METTL21A: variants seen among roughly 807,000 people sequenced by gnomAD.
METTL21A encodes the protein methyltransferase 21A, HSPA lysine, also known as protein N-lysine methyltransferase METTL21A.
METTL21A carries 22 observed loss-of-function variants against 20.9 expected under a neutral mutation model. The ratio of observed to expected loss-of-function variants is 1.05; its 90% confidence interval spans 0.75 to 1.50. METTL21A has a LOEUF of 1.50. Ranked by LOEUF, METTL21A falls within the 40% of genes most tolerant of loss-of-function variation. The pLI is 0.00. For synonymous variants in METTL21A, 93 were observed against 102.0 expected (o/e 0.91, Z 0.53); for missense variants, 271 against 266.8 (o/e 1.02, Z -0.11).
chr2:207,591,483 A>G (rs2085018762), intron 3 of METTL21A, among the ~76,000 whole-genome samples: 1 of 152,124 alleles, frequency 6.6e-6, no homozygotes, highest in Admixed American at 6.5e-5. Context: ...CTGGAGTGCA[A>G]TGGCAGTGGC....
intron 3 of METTL21A, among the ~76,000 whole-genome samples, chr2:207,595,742 AT>A (rs1301848959): frequency 3.3e-5 from 5 of 151,384 alleles, no homozygotes; most frequent in Non-Finnish European, 7.4e-5. Flanking sequence ...ATTTTTAAAA[AT>A]TTTTTTTTAG....
intron 3 of METTL21A, among the ~76,000 whole-genome samples, chr2:207,585,356 A>C (rs2083633910): frequency 6.6e-6 from 1 of 152,222 alleles, no homozygotes; most frequent in South Asian, 2.1e-4. Context: ...AATCATACAG[A>C]GACAACACAT....
At chr2:207,605,621 T>C (rs1253018048), downstream of METTL21A, among the ~76,000 whole-genome samples, 1 of 152,226 alleles carries the variant, frequency 6.6e-6, no homozygotes, top group Non-Finnish European at 1.5e-5. Flanking sequence ...ATATAATGTA[T>C]GTTCTCTCCT....
rs2083144524 is a variant in METTL21A at position 207,582,794 on chromosome 2, G to A, written c.260-634C>T. On this transcript the variant is annotated intron_variant, in intron 3 of 3. Coordinates refer to the METTL21A transcript ENST00000425132. ...TGTAATCCCAGCTACTCAGGCGGCT[G>A]AGGCAGAAGAATTGTGCGAACCTGG... 2.5e-5 allele frequency: 7 copies of A among 283,548 alleles called. 1 individual carries two copies. Among genetic ancestry groups the A allele is most frequent in the South Asian group, 2.0e-4 (7 of 34,158 alleles). 17.6% of individuals were successfully genotyped at this position (283,548 alleles called of 1,614,324 possible).
chr2:207,622,921 T>C (rs574862899), intron 2 of METTL21A, among the ~76,000 whole-genome samples: 1 of 152,204 alleles, frequency 6.6e-6, no homozygotes, highest in East Asian at 1.9e-4. Context: ...CTTTTTTTTT[T>C]TTTTGAGATG....
At chr2:207,595,957 C>G (rs573327668) in intron 3 of METTL21A, among the ~76,000 whole-genome samples, 3 of 152,096 alleles carry the variant, frequency 2.0e-5, no homozygotes, top group Non-Finnish European at 4.4e-5. Context: ...TATTGTCTTT[C>G]GATGTGCAGA....
At chr2:207,612,777 A>G in exon 4 of METTL21A, 2 of 300,052 alleles carry the variant, frequency 6.7e-6, no homozygotes, top group East Asian at 1.2e-4. Context: ...AAAAGGGAGG[A>G]GTATGGGATA....
At chr2:207,608,917 A>G (rs2088539474), downstream of METTL21A, among the ~76,000 whole-genome samples, 1 of 152,212 alleles carries the variant, frequency 6.6e-6, no homozygotes, top group South Asian at 2.1e-4. Context: ...CAGAGCGAAT[A>G]TGCATTCCCA....
chr2:207,614,410 T>G (rs1432052496), intron 3 of METTL21A, among the ~76,000 whole-genome samples: 1 of 151,766 alleles, frequency 6.6e-6, no homozygotes. Flanking sequence ...GGGAGCAGAC[T>G]ATTATTGCAA....
intron 3 of METTL21A, among the ~76,000 whole-genome samples, chr2:207,584,591 AG>A (rs2083482432): frequency 6.6e-6 from 1 of 152,066 alleles, no homozygotes; most frequent in Non-Finnish European, 1.5e-5. Flanking sequence ...TAGTAGAGAC[AG>A]GGTTTCGCCA....
chr2:207,600,797 A>G, intron 3 of METTL21A: 1 of 209,898 alleles, frequency 4.8e-6, no homozygotes, highest in African/African-American at 2.3e-5. Flanking sequence ...AAATCCCTGT[A>G]GGACAAATCC....
chr2:207,613,151 TAAG>T, exon 4 of METTL21A: 1 of 1,614,028 alleles, frequency 6.2e-7, no homozygotes, highest in African/African-American at 1.3e-5. Context: ...CCAGCATTGC[TAAG>T]AAGTTGTTAT....
exon 4 of METTL21A, chr2:207,581,919 C>T (rs2083010511): frequency 1.4e-6 from 1 of 702,750 alleles, no homozygotes; most frequent in Non-Finnish European, 2.6e-6. Context: ...TTTAGAATAT[C>T]CCTCAGTTTG....
rs1384823619 is a variant in METTL21A at position 207,582,165 on chromosome 2, A to C, written c.260-5T>G. On this transcript the variant is annotated splice_polypyrimidine_tract_variant and splice_region_variant and intron_variant, in intron 3 of 3. Transcript: ENST00000425132. ...AGGAGAATTAAATTCCACCTCCTAA[A>C]AGGGAGAATATGAAAGAAATTTGTG... 4 of 702,870 alleles carry C rather than the reference A, an allele frequency of 5.7e-6. No individual in the cohort carries two copies. The African/African-American group carries it at 7.0e-5, about 12-fold the overall frequency. 43.5% of individuals were successfully genotyped at this position (702,870 alleles called of 1,614,324 possible).
chr2:207,599,114 G>T (rs963187883), intron 3 of METTL21A: 13 of 191,844 alleles, frequency 6.8e-5, no homozygotes, highest in African/African-American at 3.0e-4. Flanking sequence ...ATCATTCTAA[G>T]AATTAAGTGA....
chr2:207,616,042 C>G (rs2089687508), intron 3 of METTL21A, among the ~76,000 whole-genome samples: 1 of 152,088 alleles, frequency 6.6e-6, no homozygotes, highest in East Asian at 1.9e-4. Context: ...AGCTACTGTA[C>G]TCAGCCCTAT....
chr2:207,589,780 A>G (rs992159204), intron 3 of METTL21A, among the ~76,000 whole-genome samples: 1 of 152,184 alleles, frequency 6.6e-6, no homozygotes, highest in Non-Finnish European at 1.5e-5. Flanking sequence ...ATTTTGAGAT[A>G]TGCATGCATT....
intron 3 of METTL21A, among the ~76,000 whole-genome samples, chr2:207,619,764 A>G (rs1368349596): frequency 1.9e-5 from 1 of 53,720 alleles, no homozygotes; most frequent in Admixed American, 2.2e-4. Context: ...CCAGATTGCT[A>G]GATCAGAAAA....
intron 3 of METTL21A, chr2:207,615,839 T>C (rs1040249781): frequency 2.6e-5 from 4 of 152,222 alleles, no homozygotes; most frequent in Non-Finnish European, 5.9e-5. Context: ...CACATATAGA[T>C]TGGCTGCTTC....
Sources: allele counts gnomAD v4.1 joint callset (sites outside exome capture counted in the v4.1 genomes callset), GRCh38; gene constraint gnomAD v4.1.1; transcripts MANE v1.5; gene names NCBI Gene and HGNC (gene_info 2026-07-23, HGNC 2026-07-21).